The following IQGAP1 variants were observed in gnomAD, a reference collection of about 807,000 sequenced individuals.
The protein encoded by IQGAP1 is IQ motif containing GTPase activating protein 1.
In IQGAP1, 66 loss-of-function variants were observed where a neutral mutation model predicts 215.6. The observed-to-expected ratio is 0.31, with a 90% CI of 0.25 to 0.38. The LOEUF (loss-of-function observed/expected upper bound fraction) is 0.38. Among genes scored for constraint, IQGAP1 ranks in the 10% least tolerant of loss-of-function variants. The pLI, the probability that IQGAP1 is intolerant of heterozygous loss-of-function variation, is 1.00. For missense variants in IQGAP1, 1,712 were observed against 1,997.1 expected, an observed-to-expected ratio of 0.86 and a Z score of 2.72; for synonymous variants, 772 against 728.7, an observed-to-expected ratio of 1.06 and a Z score of -0.96.
rs1966213566 is a variant in IQGAP1 at position 90,492,104 on chromosome 15, AT to A, written c.4462-440del. On this transcript the variant is annotated intron_variant, in intron 34 of 37. Transcript: ENST00000268182. ...CACATTTCCCTGCTAGAAGATACAA[AT>A]GGGGGAAGAAAATTTGAGATCTGAA... Among the ~76,000 whole-genome samples, 3 of 152,202 alleles carry A rather than the reference AT, an allele frequency of 2.0e-5. No homozygotes were observed. In the East Asian group the frequency reaches 5.8e-4, roughly 29 times the overall value.
rs8025138 is a variant in IQGAP1 at position 90,495,622 on chromosome 15, A to T, written c.4751+787A>T. Among the ~76,000 whole-genome samples, 1,402 of 147,006 alleles carry T rather than the reference A, an allele frequency of 9.5e-3. 28 individuals carry two copies. The highest frequency in any genetic ancestry group is 0.032 in the East Asian group (161 of 5,084). On this transcript the variant is annotated intron_variant, in intron 36 of 37. Coordinates refer to ENST00000268182, the MANE Select transcript of IQGAP1 (RefSeq NM_003870.4). ...TTTATATATAAATACATATATATAT[A>T]TTTTTTTCTTCTTCTTCTTTTTCTT...
chr15:90,495,923 A>ATGT (rs1315435887), intron 36 of IQGAP1, among the ~76,000 whole-genome samples: 4 of 148,362 alleles, frequency 2.7e-5, no homozygotes, highest in Admixed American at 6.7e-5. Flanking sequence ...CTTTATTATT[A>ATGT]TGTTATTATT....
chr15:90,472,776 T>C (rs888454733), intron 18 of IQGAP1, 64 bp from the exon 19 acceptor site: 7 of 1,482,008 alleles, frequency 4.7e-6, no homozygotes, highest in Non-Finnish European at 6.5e-6. Context: ...TGGATGATAC[T>C]TCGTGAAAAC....
chr15:90,435,482 A>G (rs1012750492), intron 5 of IQGAP1, among the ~76,000 whole-genome samples: 2 of 152,206 alleles, frequency 1.3e-5, no homozygotes, highest in African/African-American at 4.8e-5. Context: ...TCTCTAAAAA[A>G]CAAAACAAAA....
chr15:90,453,844 T>C (rs1965641994), intron 13 of IQGAP1, among the ~76,000 whole-genome samples: 1 of 152,230 alleles, frequency 6.6e-6, no homozygotes. Flanking sequence ...TCAACATTTT[T>C]GATGATGTGT....
chr15:90,422,369 G>A (rs895158271), intron 2 of IQGAP1, among the ~76,000 whole-genome samples: 1 of 151,908 alleles, frequency 6.6e-6, no homozygotes, highest in Non-Finnish European at 1.5e-5. Flanking sequence ...TAATTTTGGA[G>A]TTGTACTTCT....
At chr15:90,480,106 G>T (rs918709792) in intron 26 of IQGAP1, among the ~76,000 whole-genome samples, 2 of 151,632 alleles carry the variant, frequency 1.3e-5, no homozygotes, top group African/African-American at 4.9e-5. Flanking sequence ...AATGGAAATT[G>T]AGCCAGGCAT....
chr15:90,390,896 G>C, intron 2 of IQGAP1, 23 bp downstream of exon 2: 1 of 1,374,280 alleles, frequency 7.3e-7, no homozygotes, highest in Non-Finnish European at 1.0e-6. Context: ...TGGCTGGAGA[G>C]AAGATTAAGA....
At chr15:90,432,610 T>TA (rs1226879255) in intron 4 of IQGAP1, among the ~76,000 whole-genome samples, 1 of 152,216 alleles carries the variant, frequency 6.6e-6, no homozygotes, top group East Asian at 1.9e-4. Flanking sequence ...CTGTAGATTT[T>TA]AAAAAACAAT....
intron 2 of IQGAP1, chr15:90,391,563 TCCTATGA>T (rs954614614): frequency 6.6e-6 from 1 of 152,464 alleles, no homozygotes; most frequent in African/African-American, 2.4e-5. Flanking sequence ...AGTCTCCTCC[TCCTATGA>T]CCTGCGGAGT....
chr15:90,413,597 T>C (rs1001348823), intron 2 of IQGAP1, among the ~76,000 whole-genome samples: 1 of 152,172 alleles, frequency 6.6e-6, no homozygotes, highest in Non-Finnish European at 1.5e-5. Context: ...TCCAGAGATG[T>C]ATAGAAAGTC....
intron 33 of IQGAP1, among the ~76,000 whole-genome samples, chr15:90,488,352 C>T (rs935303605): frequency 4.6e-5 from 7 of 151,876 alleles, no homozygotes; most frequent in Non-Finnish European, 1.0e-4. Context: ...AATATAAATG[C>T]TGTGTAAATA....
Position 90,487,157 on chromosome 15 carries a change from C to G in IQGAP1, c.4160+68C>G. The G allele has an allele frequency of 2.0e-6, 3 of 1,504,606 alleles. No individual in the cohort carries two copies. In the Admixed American group the frequency reaches 5.1e-5, roughly 26 times the overall value. 93.2% of individuals were successfully genotyped at this position (1,504,606 alleles called of 1,614,324 possible). On this transcript the variant is annotated intron_variant, in intron 32 of 37. Coordinates refer to ENST00000268182, the MANE Select transcript of IQGAP1 (RefSeq NM_003870.4). ...AGGTTTCTTGGCCTTTGGAGAGGAA[C>G]CTGCTGGGTCCTACCTGAAATGACC...
At chr15:90,499,943 CTTGA>C (rs1339524289) in intron 37 of IQGAP1, 48 bp from the exon 38 acceptor site, 3 of 1,166,190 alleles carry the variant, frequency 2.6e-6, no homozygotes, top group Non-Finnish European at 3.8e-6. Context: ...GTTCCACAGA[CTTGA>C]TTAACTGTCA....
In IQGAP1 at chr15:90,466,322, A is replaced by G. The variant is rs1413368817; in HGVS notation, c.1921A>G (p.Lys641Glu). The change falls in exon 17 of 38, where the codon AAA becomes GAA. Residue 641 changes from lysine to glutamate, a missense_variant. This residue lies in a region of IQGAP1 where 1,021 missense variants were observed against 1,074.2 expected (regional missense o/e 0.95). Coordinates refer to ENST00000268182, the MANE Select transcript of IQGAP1 (RefSeq NM_003870.4). ...GGCAGTAGAAAGTGGTGATGTTGGCAAAACACTGAGTGCCCTTCGCTCCCC... is the reference window on the plus strand; with the variant it reads ...GGCAGTAGAAAGTGGTGATGTTGGCGAAACACTGAGTGCCCTTCGCTCCCC... Reference protein sequence around the residue: ...NEAVESGDVGKTLSALRSPDV... With the variant: ...NEAVESGDVGETLSALRSPDV... 2.5e-6 allele frequency: 4 copies of G among 1,614,070 alleles called. No homozygotes were observed. The highest frequency in any genetic ancestry group is 1.3e-5 in the African/African-American group (1 of 74,918).
In IQGAP1 at chr15:90,501,388, T is replaced by TA. The variant is rs1339132977; in HGVS notation, c.*1280_*1281insA. ...GTTCTTGGATAAAAAGTCATACACT[T>TA]TAAAAAAAAAAAAAACTTTTTCCAG... On this transcript the variant is annotated 3_prime_UTR_variant, in exon 38 of 38. Coordinates refer to ENST00000268182, the MANE Select transcript of IQGAP1 (RefSeq NM_003870.4). The TA allele has an allele frequency of 2.1e-5, 3 of 141,538 alleles. No homozygotes were observed. The highest frequency in any genetic ancestry group is 4.5e-5 in the Non-Finnish European group (3 of 66,322). 8.8% of individuals were successfully genotyped at this position (141,538 alleles called of 1,614,324 possible).
chr15:90,429,844 T>G, intron 4 of IQGAP1, 178 bp downstream of exon 4: 1 of 446,304 alleles, frequency 2.2e-6, no homozygotes, highest in Non-Finnish European at 4.0e-6. Flanking sequence ...TCTTTTATAA[T>G]CCTCATACCT....
chr15:90,481,105 C>T (rs891109771), intron 26 of IQGAP1, among the ~76,000 whole-genome samples: 1 of 152,062 alleles, frequency 6.6e-6, no homozygotes, highest in African/African-American at 2.4e-5. Flanking sequence ...CTGGAAGAGC[C>T]ACGCTCCCTG....
At chr15:90,493,739 G>T (rs1178048495) in intron 35 of IQGAP1, among the ~76,000 whole-genome samples, 2 of 152,174 alleles carry the variant, frequency 1.3e-5, no homozygotes, top group Non-Finnish European at 2.9e-5. Flanking sequence ...TGGAAGGGAT[G>T]AAAAACAGGC....
Sources: allele counts gnomAD v4.1 joint callset (sites outside exome capture counted in the v4.1 genomes callset), GRCh38; gene constraint gnomAD v4.1.1; regional missense constraint gnomAD v4.1.1; transcripts MANE v1.5; gene names NCBI Gene and HGNC (gene_info 2026-07-23, HGNC 2026-07-21).